CDS2: variants seen among roughly 807,000 people sequenced by gnomAD.
CDS2 encodes the protein phosphatidate cytidylyltransferase 2.
CDS2 carries 47 observed loss-of-function variants against 59.0 expected under a neutral mutation model. That is an observed-to-expected ratio of 0.80 (90% CI 0.63 to 1.02). The LOEUF (loss-of-function observed/expected upper bound fraction) is 1.02, where lower values mean the gene tolerates loss of function less well. Ranked by LOEUF, CDS2 falls within the 50% of genes least tolerant of loss-of-function variation. The pLI, the probability that CDS2 is intolerant of heterozygous loss-of-function variation, is 0.00. For synonymous variants in CDS2, 207 were observed against 206.4 expected, an observed-to-expected ratio of 1.00 and a Z score of -0.02; for missense variants, 356 against 558.9, an observed-to-expected ratio of 0.64 and a Z score of 3.66.
At chr20:5,140,358 T>C (rs1039646748) in intron 1 of CDS2, among the ~76,000 whole-genome samples, 8 of 152,222 alleles carry the variant, frequency 5.3e-5, no homozygotes, top group African/African-American at 1.7e-4. Flanking sequence ...TATTCCCTTC[T>C]GCAGTAAATT....
chr20:5,127,031 G>A lies in CDS2; in HGVS notation c.-62G>A, dbSNP rs2090557606. Reference sequence around the variant, plus strand: ...GTGGGAGTCCGCGCGTGCCCGCGCCGAGCTGCCTGCTCCGGCGGCTTCGCT... The same window carrying A: ...GTGGGAGTCCGCGCGTGCCCGCGCCAAGCTGCCTGCTCCGGCGGCTTCGCT... On this transcript the variant is annotated 5_prime_UTR_variant, in exon 1 of 13. Coordinates refer to ENST00000460006, the MANE Select transcript of CDS2 (RefSeq NM_003818.4). The A allele has an allele frequency of 4.1e-6, 6 of 1,450,360 alleles. No individual in the cohort carries two copies. Among genetic ancestry groups the A allele is most frequent in the Middle Eastern group, 1.8e-4 (1 of 5,480 alleles). 89.8% of individuals were successfully genotyped at this position (1,450,360 alleles called of 1,614,324 possible). A position where few individuals can be genotyped will look rare whatever the true frequency, so the allele number is the denominator to read the frequency against.
chr20:5,134,979 C>T (rs951304931), intron 1 of CDS2, among the ~76,000 whole-genome samples: 3 of 152,258 alleles, frequency 2.0e-5, no homozygotes, highest in Admixed American at 6.5e-5. Context: ...AGCATTTCTC[C>T]TCCCTCACTT....
chr20:5,179,090 A>T, intron 5 of CDS2, 134 bp downstream of exon 5: 2 of 657,380 alleles, frequency 3.0e-6, no homozygotes, highest in Non-Finnish European at 5.4e-6. Flanking sequence ...AGCAGAGCTG[A>T]TGCTCTATGT....
rs1019598461 is a variant in CDS2, at chr20:5,197,130, T to G, written c.*6896T>G. 6.6e-6 allele frequency: 1 copy of G among 152,252 alleles called. No individual in the cohort carries two copies. The highest frequency in any genetic ancestry group is 3.4e-3 in the Middle Eastern group (1 of 294). The allele number at this position is 152,252 out of a possible 1,614,324, so 9.4% of individuals were successfully genotyped here. On this transcript the variant is annotated 3_prime_UTR_variant, in exon 13 of 13. Coordinates refer to ENST00000460006, the MANE Select transcript of CDS2 (RefSeq NM_003818.4). ...ATGGGTTATCTTCTAGAGTTGATACTGATAATATATTTTAATTTTTATTGA... is the reference window on the plus strand; with the variant it reads ...ATGGGTTATCTTCTAGAGTTGATACGGATAATATATTTTAATTTTTATTGA...
At chr20:5,185,928 A>T (rs907083208) in intron 9 of CDS2, 102 bp downstream of exon 9, 1 of 1,130,832 alleles carries the variant, frequency 8.8e-7, no homozygotes, top group Non-Finnish European at 1.3e-6. Flanking sequence ...GGAGGCCAGG[A>T]CTGTCCTGCT....
In CDS2 at chr20:5,190,214, TC is replaced by T; in HGVS notation, c.1320del (p.Thr441ProfsTer18). ...SHLIDKGMLT[S>X]TTEDE Reference sequence around the variant, plus strand: ...TCTGATCGACAAAGGGATGCTGACATCCACCACAGAGGACGAGTAGGGGCCA... The same window carrying T: ...TCTGATCGACAAAGGGATGCTGACATCACCACAGAGGACGAGTAGGGGCCA... On this transcript the variant is annotated frameshift_variant, in exon 13 of 13. Transcript: ENST00000460006. LOFTEE classifies it high-confidence loss of function. 6.2e-7 allele frequency: 1 copy of T among 1,613,998 alleles called. No individual in the cohort carries two copies. The highest frequency in any genetic ancestry group is 1.1e-5 in the South Asian group (1 of 91,058).
intron 1 of CDS2, chr20:5,168,587 C>T (rs1186274771): frequency 1.9e-6 from 1 of 518,428 alleles, no homozygotes; most frequent in East Asian, 5.5e-5. Context: ...GTGTCAGAGT[C>T]TTGAGAAATA....
In CDS2 at chr20:5,181,710, G is replaced by T. The variant is rs577709743; in HGVS notation, c.530-677G>T. Among the ~76,000 whole-genome samples, 316 of 152,264 alleles carry T rather than the reference G, an allele frequency of 2.1e-3. 1 individual carries two copies. Among genetic ancestry groups the T allele is most frequent in the Non-Finnish European group, 3.8e-3 (261 of 68,028 alleles). ...GAGTGTACTTATGCAGACCTAGATGGTATAGCCTCCTACACACCTAGGCTA... is the reference window on the plus strand; with the variant it reads ...GAGTGTACTTATGCAGACCTAGATGTTATAGCCTCCTACACACCTAGGCTA... On this transcript the variant is annotated intron_variant, in intron 5 of 12. Transcript: ENST00000460006.
chr20:5,185,640 G>C, intron 8 of CDS2, 118 bp from the exon 9 acceptor site: 1 of 828,508 alleles, frequency 1.2e-6, no homozygotes, highest in East Asian at 2.6e-5. Flanking sequence ...AGCTTTAAAA[G>C]GTGACATGGT....
Position 5,190,105 on chromosome 20 carries a change from C to T in CDS2, c.1209C>T (p.Gly403=), listed in dbSNP as rs750243785. The change falls in exon 13 of 13, where the codon GGC becomes GGT. Residue 403 remains glycine, a synonymous_variant. Transcript: ENST00000460006. ...VNVYIASFIR[G]PNPSKLIQQF... ...GTTTCTTCACATTCTGTTCCAGAGG[C>T]CCTAACCCAAGCAAACTGATTCAGC... 1 of 1,613,932 alleles carries T rather than the reference C, an allele frequency of 6.2e-7. No individual in the cohort carries two copies. The highest frequency in any genetic ancestry group is 8.5e-7 in the Non-Finnish European group (1 of 1,179,834).
At position 5,168,819 on chromosome 20, in the gene CDS2, C is replaced by T. The variant is rs140631137; in HGVS notation, c.58-4704C>T. 2.3e-3 allele frequency among the ~76,000 whole-genome samples: 354 copies of T among 152,334 alleles called. 1 individual carries two copies. In the Middle Eastern group the frequency reaches 0.041, roughly 18 times the overall value. On this transcript the variant is annotated intron_variant, in intron 1 of 12. Coordinates refer to ENST00000460006, the MANE Select transcript of CDS2 (RefSeq NM_003818.4). ...ACCTTAACCACAAGGAACATCCCCT[C>T]CTGCCCACTGCTCCCTCTGGCCCTC...
rs897993493 is a variant in CDS2, at chr20:5,184,082, A to G, written c.672-776A>G. On this transcript the variant is annotated intron_variant, in intron 7 of 12. Coordinates refer to ENST00000460006, the MANE Select transcript of CDS2 (RefSeq NM_003818.4). This position sits in a 1 kb window ranked among gnomAD's most constrained non-coding sequence, Gnocchi z 4.3. ...GAGGCTGAGGCAGGAGAATCACTTA[A>G]CCTGGGGGTGGAGGTTGCAGTGAGC... Among the ~76,000 whole-genome samples, 3 of 152,094 alleles carry G rather than the reference A, an allele frequency of 2.0e-5. No individual in the cohort carries two copies. Among genetic ancestry groups the G allele is most frequent in the African/African-American group, 7.2e-5 (3 of 41,410 alleles).
intron 8 of CDS2, among the ~76,000 whole-genome samples, chr20:5,185,552 C>T (rs2091061339): frequency 6.6e-6 from 1 of 152,004 alleles, no homozygotes; most frequent in Non-Finnish European, 1.5e-5. Flanking sequence ...TAAAACTATT[C>T]GAATGACTGA....
At chr20:5,156,197 G>A (rs982707090) in intron 1 of CDS2, among the ~76,000 whole-genome samples, 1 of 152,164 alleles carries the variant, frequency 6.6e-6, no homozygotes, top group African/African-American at 2.4e-5. Flanking sequence ...TGTGAGAATG[G>A]GAAAGACCCT....
In CDS2 at chr20:5,174,421, T is replaced by A. The variant is rs2090979069; in HGVS notation, c.194+762T>A. Among the ~76,000 whole-genome samples the A allele has an allele frequency of 2.0e-5, 3 of 152,228 alleles. No homozygotes were observed. In the South Asian group the frequency reaches 6.2e-4, roughly 31 times the overall value. On this transcript the variant is annotated intron_variant, in intron 2 of 12. Coordinates refer to ENST00000460006, the MANE Select transcript of CDS2 (RefSeq NM_003818.4). ...GTGTGTTGAGGATTGAAGGAGTTAATATATGTAAAGTCCTCATAAAATTAC... is the reference window on the plus strand; with the variant it reads ...GTGTGTTGAGGATTGAAGGAGTTAAAATATGTAAAGTCCTCATAAAATTAC...
intron 9 of CDS2, 97 bp from the exon 10 acceptor site, chr20:5,186,590 T>G: frequency 8.4e-7 from 1 of 1,188,138 alleles, no homozygotes; most frequent in Non-Finnish European, 1.2e-6. Context: ...AGCAGGGTAC[T>G]AGGCACCCTC....
In CDS2 at chr20:5,192,320, C is replaced by G. The variant is rs1023743453; in HGVS notation, c.*2086C>G. On this transcript the variant is annotated 3_prime_UTR_variant, in exon 13 of 13. Transcript: ENST00000460006. ...CATACTGGGCAAGGCTCATCATGTT[C>G]CTTTGTGGAAGTGGTTACTTGGTGG... 5.4e-5 allele frequency: 8 copies of G among 149,006 alleles called. No homozygotes were observed. The highest frequency in any genetic ancestry group is 2.0e-4 in the African/African-American group (8 of 40,626). 9.2% of individuals were successfully genotyped at this position (149,006 alleles called of 1,614,324 possible). A position where few individuals can be genotyped will look rare whatever the true frequency, so the allele number is the denominator to read the frequency against.
chr20:5,190,333 C>A lies in CDS2; in HGVS notation c.*99C>A. 3.5e-5 allele frequency: 36 copies of A among 1,015,510 alleles called. No homozygotes were observed. Among genetic ancestry groups the A allele is most frequent in the Middle Eastern group, 3.3e-4 (1 of 3,018 alleles). The allele number at this position is 1,015,510 out of a possible 1,614,324, so 62.9% of individuals were successfully genotyped here. A position where few individuals can be genotyped will look rare whatever the true frequency, so the allele number is the denominator to read the frequency against. On this transcript the variant is annotated 3_prime_UTR_variant, in exon 13 of 13. Coordinates refer to ENST00000460006, the MANE Select transcript of CDS2 (RefSeq NM_003818.4). The stretch of plus-strand genomic sequence containing the variant: ...GACTTAGACAATGACGAGGCTTCAA[C>A]TCACTGTCTTTTTTTTTTTTTTTTG...
intron 4 of CDS2, 129 bp downstream of exon 4, chr20:5,176,874 T>G: frequency 1.4e-6 from 1 of 698,274 alleles, no homozygotes; most frequent in Non-Finnish European, 2.6e-6. Context: ...GTTATCATGT[T>G]AGGTCATACA....
Sources: allele counts gnomAD v4.1 joint callset (sites outside exome capture counted in the v4.1 genomes callset), GRCh38; gene constraint gnomAD v4.1.1; non-coding constraint Gnocchi (gnomAD v3.1); transcripts MANE v1.5; gene names NCBI Gene and HGNC (gene_info 2026-07-23, HGNC 2026-07-21).